LIMA1: variants seen among roughly 807,000 people sequenced by gnomAD.
The protein encoded by LIMA1 is LIM domain and actin-binding protein 1.
LIMA1 carries 52 observed loss-of-function variants against 62.6 expected under a neutral mutation model. That is an observed-to-expected ratio of 0.83 (90% CI 0.67 to 1.05). The LOEUF is 1.05. Among genes scored for constraint, LIMA1 ranks in the 50% least tolerant of loss-of-function variants. The pLI is 0.00. For missense variants in LIMA1, 780 were observed against 902.2 expected (o/e 0.86, Z 1.74); for synonymous variants, 302 against 317.8 (o/e 0.95, Z 0.53).
intron 10 of LIMA1, among the ~76,000 whole-genome samples, chr12:50,180,102 A>T (rs932200235): frequency 6.6e-6 from 1 of 152,032 alleles, no homozygotes; most frequent in African/African-American, 2.4e-5. Context: ...GGAGTTCAAG[A>T]CCAGCGTGGC....
chr12:50,197,456 T>C (rs1308940549), intron 7 of LIMA1, among the ~76,000 whole-genome samples: 2 of 151,876 alleles, frequency 1.3e-5, no homozygotes, highest in East Asian at 3.9e-4. Context: ...GCCAAAAGGA[T>C]AGCTAAGGGT....
At chr12:50,231,595 G>A (rs1941611821) in intron 3 of LIMA1, 70 bp downstream of exon 3, 1 of 1,355,944 alleles carries the variant, frequency 7.4e-7, no homozygotes, top group South Asian at 1.2e-5. Flanking sequence ...CCCCACAGAG[G>A]CTGCAGGTGG....
At chr12:50,196,300 T>C (rs1940929533) in intron 7 of LIMA1, among the ~76,000 whole-genome samples, 1 of 152,194 alleles carries the variant, frequency 6.6e-6, no homozygotes, top group African/African-American at 2.4e-5. Flanking sequence ...GGAACCATTC[T>C]TATTTTTTAA....
At chr12:50,189,546 T>C (rs529081434) in intron 9 of LIMA1, 5 of 152,300 alleles carry the variant, frequency 3.3e-5, no homozygotes, top group Admixed American at 3.3e-4. Context: ...GTGTGGGTAA[T>C]CCAAACGAGT....
rs1212046207 is a variant in LIMA1, at chr12:50,200,832, T to C, written c.917A>G (p.Lys306Arg). The part of the protein sequence containing the change: ...GEIKIHKMEQ[K>R]ENVPPGPEVC... The stretch of plus-strand genomic sequence containing the variant: ...CTCAGGACCTGGGGGCACATTCTCC[T>C]TTTGCTCCATTTTATGAATTTTGAT... The change falls in exon 7 of 11, where the codon AAG (lysine) becomes AGG (arginine). Residue 306 changes from lysine to arginine, a missense_variant. Transcript: ENST00000341247. 1 of 1,614,144 alleles carries C rather than the reference T, an allele frequency of 6.2e-7. No homozygotes were observed. Among genetic ancestry groups the C allele is most frequent in the East Asian group, 2.2e-5 (1 of 44,888 alleles).
At position 50,256,619 on chromosome 12, in the gene LIMA1, C is replaced by T. The variant is rs537495387; in HGVS notation, c.-23-7845G>A. On this transcript the variant is annotated intron_variant, in intron 1 of 10. Coordinates refer to ENST00000341247, the MANE Select transcript of LIMA1 (RefSeq NM_016357.5). ...ATCTATGACAGTTACTCTGCTTTTC[C>T]TTGTCTTTCATGACCTCGATATTGT... Among the ~76,000 whole-genome samples, 183 of 152,106 alleles carry T rather than the reference C, an allele frequency of 1.2e-3. 1 individual carries two copies. The highest frequency in any genetic ancestry group is 2.1e-3 in the Non-Finnish European group (143 of 67,984).
intron 1 of LIMA1, among the ~76,000 whole-genome samples, chr12:50,279,086 A>G (rs1405809204): frequency 6.6e-6 from 1 of 150,468 alleles, no homozygotes; most frequent in Non-Finnish European, 1.5e-5. Flanking sequence ...GCTCTCTGCA[A>G]CCTCTGCCTC....
intron 7 of LIMA1, 200 bp from the exon 8 acceptor site, chr12:50,196,087 C>T (rs185983765): frequency 1.8e-5 from 9 of 511,294 alleles, no homozygotes; most frequent in Admixed American, 3.8e-5. Flanking sequence ...TATTAACATG[C>T]CTCTCAATTA....
At chr12:50,184,980 C>CAT (rs1565828282) in intron 9 of LIMA1, among the ~76,000 whole-genome samples, 1 of 152,014 alleles carries the variant, frequency 6.6e-6, no homozygotes, top group African/African-American at 2.4e-5. Flanking sequence ...TACAGGCGTG[C>CAT]ACCACCACAC....
chr12:50,274,687 A>T lies in LIMA1; in HGVS notation c.-24+8733T>A, dbSNP rs186504375. On this transcript the variant is annotated intron_variant, in intron 1 of 10. Transcript: ENST00000341247. ...ATTAGTGGTGTGAAGGAAATACAAA[A>T]AGAGTAACTGGAGTTGTGGTAGGAA... Among the ~76,000 whole-genome samples the T allele has an allele frequency of 4.6e-5, 7 of 152,316 alleles. No homozygotes were observed. In the South Asian group the frequency reaches 1.0e-3, roughly 23 times the overall value.
intron 1 of LIMA1, among the ~76,000 whole-genome samples, chr12:50,271,352 T>TC (rs1942209579): frequency 2.0e-5 from 3 of 152,120 alleles, no homozygotes; most frequent in Non-Finnish European, 4.4e-5. Flanking sequence ...CTTTTTTTTT[T>TC]CCCTTTAAAT....
intron 7 of LIMA1, among the ~76,000 whole-genome samples, chr12:50,197,306 G>A (rs985718560): frequency 4.6e-5 from 7 of 151,858 alleles, no homozygotes; most frequent in Admixed American, 1.3e-4. Context: ...CTGACCTCAG[G>A]TAATCTGCCC....
intron 1 of LIMA1, among the ~76,000 whole-genome samples, chr12:50,261,200 C>T (rs1942069454): frequency 6.6e-6 from 1 of 150,678 alleles, no homozygotes; most frequent in East Asian, 2.0e-4. Flanking sequence ...CTACAGGTGC[C>T]CACCACCACG....
chr12:50,242,627 A>G (rs1941794136), intron 2 of LIMA1, among the ~76,000 whole-genome samples: 1 of 152,228 alleles, frequency 6.6e-6, no homozygotes. Context: ...ACCTTCAGTC[A>G]TAATTGCTAA....
intron 6 of LIMA1, 177 bp downstream of exon 6, chr12:50,204,375 G>T: frequency 1.5e-6 from 1 of 663,964 alleles, no homozygotes; most frequent in Non-Finnish European, 2.3e-6. Flanking sequence ...GCAAAGTCAG[G>T]ATTAGACCAT....
At chr12:50,204,731 T>A (rs777305201) in intron 5 of LIMA1, 31 bp from the exon 6 acceptor site, 1 of 1,608,766 alleles carries the variant, frequency 6.2e-7, no homozygotes, top group South Asian at 1.1e-5. Flanking sequence ...TGTTTTATTT[T>A]ATTTCTGAGA....
intron 1 of LIMA1, among the ~76,000 whole-genome samples, chr12:50,263,628 T>A (rs1942097574): frequency 6.6e-6 from 1 of 151,838 alleles, no homozygotes; most frequent in Admixed American, 6.6e-5. Context: ...ATAGTTAAAA[T>A]ATAGTTTGAC....
intron 9 of LIMA1, 72 bp from the exon 10 acceptor site, chr12:50,182,109 A>G (rs1005249864): frequency 1.3e-6 from 2 of 1,563,002 alleles, no homozygotes; most frequent in African/African-American, 1.4e-5. Flanking sequence ...GGACCCTAGA[A>G]TTTACTTTGT....
At chr12:50,240,428 G>A (rs1035364951) in intron 2 of LIMA1, among the ~76,000 whole-genome samples, 1 of 152,140 alleles carries the variant, frequency 6.6e-6, no homozygotes, top group African/African-American at 2.4e-5. Flanking sequence ...GAGAATGGAG[G>A]TGGCATTAAT....
Sources: allele counts gnomAD v4.1 joint callset (sites outside exome capture counted in the v4.1 genomes callset), GRCh38; gene constraint gnomAD v4.1.1; transcripts MANE v1.5; gene names NCBI Gene and HGNC (gene_info 2026-07-23, HGNC 2026-07-21).